The following SLC24A3 variants were observed in gnomAD, a reference collection of about 807,000 sequenced individuals.
The protein encoded by SLC24A3 is solute carrier family 24 member 3, also known as sodium/potassium/calcium exchanger 3.
SLC24A3 carries 28 observed loss-of-function variants against 75.8 expected under a neutral mutation model. The observed-to-expected ratio is 0.37, with a 90% CI of 0.27 to 0.51. The LOEUF (loss-of-function observed/expected upper bound fraction) is 0.51. SLC24A3 is among the 20% of genes least tolerant of loss of function. The pLI, the probability that SLC24A3 is intolerant of heterozygous loss-of-function variation, is 0.94. For missense variants in SLC24A3, 663 were observed against 847.8 expected, an observed-to-expected ratio of 0.78 and a Z score of 2.71; for synonymous variants, 372 against 334.1, an observed-to-expected ratio of 1.11 and a Z score of -1.24.
chr20:19,401,264 T>A (rs1046260253), intron 2 of SLC24A3, among the ~76,000 whole-genome samples: 3 of 152,176 alleles, frequency 2.0e-5, no homozygotes, highest in Non-Finnish European at 4.4e-5. Flanking sequence ...GTGCTGCCAA[T>A]GATGACACCA....
intron 2 of SLC24A3, among the ~76,000 whole-genome samples, chr20:19,317,426 C>T (rs1984611297): frequency 6.6e-6 from 1 of 152,180 alleles, no homozygotes; most frequent in African/African-American, 2.4e-5. Context: ...ACTTTCATTT[C>T]CACTCTGCTC....
intron 2 of SLC24A3, among the ~76,000 whole-genome samples, chr20:19,350,833 G>T (rs1028362636): frequency 1.3e-5 from 2 of 152,148 alleles, no homozygotes; most frequent in African/African-American, 4.8e-5. Flanking sequence ...GGTACAGACC[G>T]TGCTGTTTCT....
At chr20:19,488,329 G>A (rs1391616266) in intron 2 of SLC24A3, among the ~76,000 whole-genome samples, 1 of 152,166 alleles carries the variant, frequency 6.6e-6, no homozygotes, top group East Asian at 1.9e-4. Flanking sequence ...CCTCTTGCCT[G>A]ACTTAATACT....
chr20:19,600,846 T>G (rs1174659428), intron 6 of SLC24A3, among the ~76,000 whole-genome samples: 1 of 152,082 alleles, frequency 6.6e-6, no homozygotes, highest in African/African-American at 2.4e-5. Flanking sequence ...GTTTTTGTAG[T>G]GACAGGGTCT....
intron 9 of SLC24A3, among the ~76,000 whole-genome samples, chr20:19,678,462 G>A (rs1353717346): frequency 7.3e-6 from 1 of 136,416 alleles, no homozygotes; most frequent in African/African-American, 2.8e-5. Flanking sequence ...GCCGGGCGGG[G>A]GGCTGACCCC....
chr20:19,453,532 T>A (rs748647877), intron 2 of SLC24A3, among the ~76,000 whole-genome samples: 8 of 152,214 alleles, frequency 5.3e-5, no homozygotes, highest in Non-Finnish European at 1.2e-4. Flanking sequence ...CTGGAGGTCC[T>A]TGACTTCTGG....
At chr20:19,288,895 T>C (rs1983875348) in intron 2 of SLC24A3, among the ~76,000 whole-genome samples, 1 of 152,222 alleles carries the variant, frequency 6.6e-6, no homozygotes, top group Admixed American at 6.5e-5. Flanking sequence ...CTATGGCAAC[T>C]TTTGCTCTAT....
intron 2 of SLC24A3, among the ~76,000 whole-genome samples, chr20:19,461,478 C>G (rs1262910423): frequency 6.6e-6 from 1 of 151,326 alleles, no homozygotes; most frequent in Non-Finnish European, 1.5e-5. Context: ...ATGCACTGGG[C>G]ACTTATTATT....
At chr20:19,643,454 C>T (rs762798852) in intron 6 of SLC24A3, among the ~76,000 whole-genome samples, 2 of 152,114 alleles carry the variant, frequency 1.3e-5, no homozygotes, top group Admixed American at 6.5e-5. Flanking sequence ...TCCAAGCCTG[C>T]GAATTGAAAA....
intron 2 of SLC24A3, among the ~76,000 whole-genome samples, chr20:19,308,686 G>A (rs2122257114): frequency 6.6e-6 from 1 of 152,304 alleles, no homozygotes; most frequent in East Asian, 1.9e-4. Context: ...TCGGAATGGA[G>A]AAATACTAAA....
intron 3 of SLC24A3, among the ~76,000 whole-genome samples, chr20:19,516,668 C>T (rs1219407746): frequency 1.3e-5 from 2 of 152,252 alleles, no homozygotes; most frequent in African/African-American, 2.4e-5. Context: ...CTACAGTGAC[C>T]TCTACAGCAT....
intron 15 of SLC24A3, among the ~76,000 whole-genome samples, chr20:19,703,296 C>CT (rs1480385244): frequency 6.6e-6 from 1 of 152,164 alleles, no homozygotes; most frequent in Non-Finnish European, 1.5e-5. Flanking sequence ...TTCCACATCC[C>CT]TGCTGGCCCA....
intron 2 of SLC24A3, among the ~76,000 whole-genome samples, chr20:19,503,760 T>C (rs1988421830): frequency 6.6e-6 from 1 of 152,234 alleles, no homozygotes; most frequent in South Asian, 2.1e-4. Context: ...TATTCTTAGA[T>C]ATTTATTTCA....
chr20:19,685,073 G>T (rs768269865), intron 11 of SLC24A3, 27 bp from the exon 12 acceptor site: 2 of 1,580,550 alleles, frequency 1.3e-6, no homozygotes, highest in Non-Finnish European at 1.7e-6. Context: ...CTCTGACCGT[G>T]GTAAGAGTGC....
chr20:19,497,776 C>A (rs1046234775), intron 2 of SLC24A3, among the ~76,000 whole-genome samples: 1 of 152,094 alleles, frequency 6.6e-6, no homozygotes, highest in East Asian at 1.9e-4. Flanking sequence ...AAAGAGCATG[C>A]AATGGGAACA....
chr20:19,217,806 G>C (rs1353232553), intron 1 of SLC24A3, among the ~76,000 whole-genome samples: 1 of 152,088 alleles, frequency 6.6e-6, no homozygotes, highest in African/African-American at 2.4e-5. Context: ...GCGCTTGCTG[G>C]TCCCACTGTC....
At chr20:19,304,617 T>C (rs1984276590) in intron 2 of SLC24A3, among the ~76,000 whole-genome samples, 2 of 152,196 alleles carry the variant, frequency 1.3e-5, no homozygotes, top group South Asian at 2.1e-4. Flanking sequence ...GCGTCATTCA[T>C]GCCCAGTAAT....
chr20:19,457,070 A>G (rs79062055), intron 2 of SLC24A3, among the ~76,000 whole-genome samples: 6,447 of 152,302 alleles, frequency 0.042, 404 homozygotes, highest in African/African-American at 0.13. Flanking sequence ...AAAACTGCAA[A>G]GGGCATCCAG....
intron 8 of SLC24A3, among the ~76,000 whole-genome samples, chr20:19,672,352 GAAGA>G (rs754649137): frequency 2.6e-5 from 4 of 152,094 alleles, no homozygotes; most frequent in Non-Finnish European, 5.9e-5. Flanking sequence ...AAGGGAGATG[GAAGA>G]AAGGGTTTTA....
Sources: allele counts gnomAD v4.1 joint callset (sites outside exome capture counted in the v4.1 genomes callset), GRCh38; gene constraint gnomAD v4.1.1; transcripts MANE v1.5; gene names NCBI Gene and HGNC (gene_info 2026-07-23, HGNC 2026-07-21).